SLC49A3: variants seen among roughly 807,000 people sequenced by gnomAD.
The protein encoded by SLC49A3 is solute carrier family 49 member A3.
In SLC49A3, 50 loss-of-function variants were observed where a neutral mutation model predicts 43.8. That is an observed-to-expected ratio of 1.14 (90% CI 0.91 to 1.45). The LOEUF (loss-of-function observed/expected upper bound fraction) is 1.45. SLC49A3 is among the 40% of genes most tolerant of loss of function. The pLI, the probability that SLC49A3 is intolerant of heterozygous loss-of-function variation, is 0.00. For missense variants in SLC49A3, 906 were observed against 774.1 expected (o/e 1.17, Z -2.02); for synonymous variants, 413 against 352.0 (o/e 1.17, Z -1.94).
At chr4:678,411 T>C (rs530770797), downstream of SLC49A3, 63 of 1,420,184 alleles carry the variant, frequency 4.4e-5, no homozygotes, top group East Asian at 1.3e-3. Flanking sequence ...CACTGTGCTC[T>C]GTGGGCCTTC....
At position 682,836 on chromosome 4, in the gene SLC49A3, G is replaced by C. The variant is rs1033080093; in HGVS notation, c.1206C>G (p.Arg402=). ...GGCAGGTGGACAAGGACGGCTCCGA[G>C]CGTCGCACAGTCAGTGCCGTCATTG... ...MLAMTALTVR[R]SEPSLSTCQQ... Residue 402 remains arginine, a synonymous_variant, in exon 9 of 10, where the codon CGC becomes CGG. Transcript: ENST00000322224. 1 of 1,604,374 alleles carries C rather than the reference G, an allele frequency of 6.2e-7. No individual in the cohort carries two copies. Among genetic ancestry groups the C allele is most frequent in the African/African-American group, 1.3e-5 (1 of 74,838 alleles).
downstream of SLC49A3, chr4:680,435 C>T (rs926876817): frequency 5.4e-6 from 8 of 1,478,644 alleles, no homozygotes; most frequent in Admixed American, 1.2e-4. Context: ...GGGGTCTCCC[C>T]TCCTGCCATC....
chr4:683,480 A>C, intron 7 of SLC49A3, 113 bp from the exon 8 acceptor site: 1 of 1,498,344 alleles, frequency 6.7e-7, no homozygotes, highest in South Asian at 1.3e-5. Flanking sequence ...CCCCGGGGCC[A>C]CCCTGGCTGG....
rs560781633 is a variant in SLC49A3, at chr4:685,498, G to C, written c.585+337C>G. ...ACGGATCATGAGGTCAGGAGTTCGAGACCAGCCTGGCCAACATGGTGAAAC... is the reference window on the plus strand; with the variant it reads ...ACGGATCATGAGGTCAGGAGTTCGACACCAGCCTGGCCAACATGGTGAAAC... On this transcript the variant is annotated intron_variant, in intron 4 of 9. Transcript: ENST00000322224. The surrounding 1 kb of genome is among the most constrained non-coding windows in gnomAD (Gnocchi z 4.3). Among the ~76,000 whole-genome samples the C allele has an allele frequency of 1.3e-5, 2 of 151,424 alleles. No homozygotes were observed. Among genetic ancestry groups the C allele is most frequent in the African/African-American group, 2.4e-5 (1 of 41,112 alleles).
At position 684,703 on chromosome 4, in the gene SLC49A3, A is replaced by T. The variant is rs201587744; in HGVS notation, c.723+16T>A. ...CCCCCAAATCCACCCTACCCCGGGG[A>T]TCCCACGGCACTGACCAGCTTGAGC... On this transcript the variant is annotated intron_variant, in intron 5 of 9. Coordinates refer to ENST00000322224, the MANE Select transcript of SLC49A3 (RefSeq NM_032219.4). 8 of 1,607,036 alleles carry T rather than the reference A, an allele frequency of 5.0e-6. No individual in the cohort carries two copies. The African/African-American group carries it at 8.0e-5, about 16-fold the overall frequency.
chr4:683,942 A>T (rs541799260), intron 6 of SLC49A3, among the ~76,000 whole-genome samples, 181 bp from the exon 7 acceptor site: 1 of 151,032 alleles, frequency 6.6e-6, no homozygotes, highest in Non-Finnish European at 1.5e-5. Flanking sequence ...TGTGTTTCCC[A>T]CCCCACCCCA....
intron 2 of SLC49A3, 93 bp from the exon 3 acceptor site, chr4:686,395 C>T (rs1741042553): frequency 6.4e-6 from 10 of 1,572,530 alleles, no homozygotes; most frequent in South Asian, 4.8e-5. Context: ...CCCACTGCCG[C>T]CACCTCGACG....
rs570897914 is a variant in SLC49A3, at chr4:684,416, C to T, written c.840+67G>A. The T allele has an allele frequency of 4.2e-5, 67 of 1,585,102 alleles. 1 individual carries two copies. Among genetic ancestry groups the T allele is most frequent in the African/African-American group, 2.6e-4 (19 of 74,406 alleles). ...CGGACACTGGGCACCCTGGAGGCGGCGGTGACTCCATGGCCATATGGGGCG... is the reference window on the plus strand; with the variant it reads ...CGGACACTGGGCACCCTGGAGGCGGTGGTGACTCCATGGCCATATGGGGCG... On this transcript the variant is annotated intron_variant, in intron 6 of 9. Transcript: ENST00000322224.
rs376484800 is a variant in SLC49A3 at position 685,790 on chromosome 4, G to A, written c.585+45C>T. On this transcript the variant is annotated intron_variant, in intron 4 of 9. Transcript: ENST00000322224. The surrounding 1 kb of genome is among the most constrained non-coding windows in gnomAD (Gnocchi z 4.3). The stretch of plus-strand genomic sequence containing the variant: ...ATCAGGAACACACAGACGTGCATGC[G>A]CACACACCACACAGACCAGGCACGG... The A allele has an allele frequency of 4.6e-5, 73 of 1,595,194 alleles. No homozygotes were observed. The highest frequency in any genetic ancestry group is 8.8e-5 in the South Asian group (8 of 90,556).
rs1740658690 is a variant in SLC49A3 at position 684,821 on chromosome 4, G to A, written c.621C>T (p.Cys207=). ...GVYTIPAGVV[C]LLSTICLWES... is the part of the protein sequence containing the mutation. Reference sequence around the variant, plus strand: ...CCCACAGGCAGATGGTGGACAGCAGGCAGACGACGCCAGCAGGGATGGTAT... The same window carrying A: ...CCCACAGGCAGATGGTGGACAGCAGACAGACGACGCCAGCAGGGATGGTAT... Residue 207 remains cysteine, a synonymous_variant, in exon 5 of 10, where the codon TGC becomes TGT. Coordinates refer to ENST00000322224, the MANE Select transcript of SLC49A3 (RefSeq NM_032219.4). The A allele has an allele frequency of 1.2e-6, 2 of 1,612,396 alleles. No homozygotes were observed. Among genetic ancestry groups the A allele is most frequent in the Admixed American group, 1.7e-5 (1 of 59,936 alleles).
At position 682,801 on chromosome 4, in the gene SLC49A3, TC is replaced by T. The variant is rs762857248; in HGVS notation, c.1240del (p.Glu414ArgfsTer12). On this transcript the variant is annotated frameshift_variant, in exon 9 of 10. Transcript: ENST00000322224. LOFTEE classifies it low-confidence loss of function (END_TRUNC). ...CTCACCTGTCCAGTCAAGTGGATCCTCCCCCTGCTGGCAGGTGGACAAGGAC... is the reference window on the plus strand; with the variant it reads ...CTCACCTGTCCAGTCAAGTGGATCCTCCCCTGCTGGCAGGTGGACAAGGAC... ...EPSLSTCQQGEDPLDWTVSLL... is the reference protein window; with the variant it reads ...EPSLSTCQQGXDPLDWTVSLL... 4 of 1,594,430 alleles carry T rather than the reference TC, an allele frequency of 2.5e-6. No homozygotes were observed. The highest frequency in any genetic ancestry group is 2.6e-6 in the Non-Finnish European group (3 of 1,168,400).
rs1051048409 is a variant in SLC49A3 at position 685,296 on chromosome 4, CACAG to C, written c.586-444_586-441del. ...CACACAGGTACACACCACACATGTG[CACAG>C]ACACACAGACACATATGCACACATC... is the stretch of plus-strand genomic sequence containing the variant. On this transcript the variant is annotated intron_variant, in intron 4 of 9. Coordinates refer to ENST00000322224, the MANE Select transcript of SLC49A3 (RefSeq NM_032219.4). The surrounding 1 kb of genome is among the most constrained non-coding windows in gnomAD (Gnocchi z 4.3). Among the ~76,000 whole-genome samples, 5 of 152,268 alleles carry C rather than the reference CACAG, an allele frequency of 3.3e-5. No individual in the cohort carries two copies. The highest frequency in any genetic ancestry group is 2.1e-4 in the South Asian group (1 of 4,812).
At chr4:684,994 G>C (rs1740701054) in intron 4 of SLC49A3, 138 bp from the exon 5 acceptor site, 1 of 1,260,046 alleles carries the variant, frequency 7.9e-7, no homozygotes, top group Non-Finnish European at 1.1e-6. Flanking sequence ...GTCTGCAGCT[G>C]CCCTTTGCGA....
At chr4:681,425 G>A (rs1222919206), downstream of SLC49A3, among the ~76,000 whole-genome samples, 2 of 151,876 alleles carry the variant, frequency 1.3e-5, no homozygotes, top group African/African-American at 4.8e-5. Context: ...ACAGCTGTGC[G>A]GTCCGGAGCC....
rs1338013545 is a variant in SLC49A3, at chr4:685,358, C to T, written c.585+477G>A. On this transcript the variant is annotated intron_variant, in intron 4 of 9. Transcript: ENST00000322224. The surrounding 1 kb of genome is among the most constrained non-coding windows in gnomAD (Gnocchi z 4.3). ...ACACATGGGCACAGGAACAGAGACA[C>T]GCACCGCACACACCACACACACTCA... 1.3e-5 allele frequency among the ~76,000 whole-genome samples: 2 copies of T among 152,022 alleles called. No individual in the cohort carries two copies. The highest frequency in any genetic ancestry group is 2.4e-5 in the African/African-American group (1 of 41,390).
downstream of SLC49A3, chr4:681,706 C>T (rs1428702681): frequency 5.0e-5 from 4 of 80,788 alleles, no homozygotes; most frequent in African/African-American, 1.7e-4. Flanking sequence ...CGCCGCCCCG[C>T]CCCCTCCAGC....
At chr4:681,631 TCCAGCGCCGCCCCGCCCCC>T (rs1456107450), downstream of SLC49A3, among the ~76,000 whole-genome samples, 594 of 3,538 alleles carry the variant, frequency 0.17, 67 homozygotes, top group African/African-American at 0.27. Context: ...CCCCGCCCCC[TCCAGCGCCGCCCCGCCCCC>T]TCCAGCGCCG....
At chr4:679,834 G>A (rs1739264093), downstream of SLC49A3, 2 of 1,206,680 alleles carry the variant, frequency 1.7e-6, no homozygotes, top group African/African-American at 1.5e-5. Context: ...CTGCCTGCCT[G>A]GCCCTGTGCT....
At chr4:678,211 C>A, downstream of SLC49A3, 2 of 1,506,538 alleles carry the variant, frequency 1.3e-6, no homozygotes, top group East Asian at 2.5e-5. Flanking sequence ...TGTGACCTTG[C>A]GGGTGTGGGC....
Sources: gnomAD v4.1 joint callset for allele counts (sites outside exome capture counted in the v4.1 genomes callset) on GRCh38, gnomAD v4.1.1 for gene constraint, Gnocchi (gnomAD v3.1) non-coding constraint, MANE v1.5 for transcripts, NCBI Gene and HGNC (gene_info 2026-07-23, HGNC 2026-07-21) for gene names.